Variants in RBFOX2 observed in about 807,000 individuals in gnomAD.
The protein encoded by RBFOX2 is RNA binding protein fox-1 homolog 2.
RBFOX2 carries 10 observed loss-of-function variants against 49.1 expected under a neutral mutation model. That is an observed-to-expected ratio of 0.20 (90% CI 0.13 to 0.35). The LOEUF is 0.35. RBFOX2 is among the 10% of genes least tolerant of loss of function. The pLI is 1.00. For synonymous variants in RBFOX2, 183 were observed against 187.4 expected, an observed-to-expected ratio of 0.98 and a Z score of 0.19; for missense variants, 323 against 486.9, an observed-to-expected ratio of 0.66 and a Z score of 3.17.
intron 1 of RBFOX2, among the ~76,000 whole-genome samples, chr22:35,928,145 G>A (rs966878519): frequency 1.3e-5 from 2 of 152,040 alleles, no homozygotes; most frequent in Non-Finnish European, 2.9e-5. Flanking sequence ...TTGAGGCTCA[G>A]AGAACAAAAA....
At chr22:35,961,987 T>C (rs2056249913), upstream of RBFOX2, among the ~76,000 whole-genome samples, 1 of 152,054 alleles carries the variant, frequency 6.6e-6, no homozygotes. Flanking sequence ...GCCTCACATA[T>C]AAGATTGGCA....
intron 1 of RBFOX2, among the ~76,000 whole-genome samples, chr22:35,905,563 G>A (rs2049034429): frequency 6.6e-6 from 1 of 152,140 alleles, no homozygotes; most frequent in Non-Finnish European, 1.5e-5. Context: ...CTCTCAGCTG[G>A]TTAGGATACT....
chr22:35,775,285 C>T (rs1271463916), intron 4 of RBFOX2, among the ~76,000 whole-genome samples: 1 of 152,228 alleles, frequency 6.6e-6, no homozygotes, highest in East Asian at 1.9e-4. Context: ...AAGAAAGCTT[C>T]AAAGGACAAA....
intron 3 of RBFOX2, among the ~76,000 whole-genome samples, chr22:35,780,182 C>G (rs776545790): frequency 7.9e-5 from 12 of 152,086 alleles, no homozygotes; most frequent in Non-Finnish European, 1.2e-4. Context: ...ATCATTAAAT[C>G]TCAACTCTGG....
intron 1 of RBFOX2, among the ~76,000 whole-genome samples, chr22:35,823,650 T>C (rs1468719688): frequency 6.6e-6 from 1 of 152,192 alleles, no homozygotes; most frequent in Non-Finnish European, 1.5e-5. Context: ...CTGTATATAT[T>C]TGAGAAACGT....
chr22:35,939,149 C>A, upstream of RBFOX2: 1 of 653,952 alleles, frequency 1.5e-6, no homozygotes, highest in Non-Finnish European at 2.8e-6. Flanking sequence ...AATCTGTTTC[C>A]TTTCCAGTAT....
intron 1 of RBFOX2, among the ~76,000 whole-genome samples, chr22:35,826,157 A>G (rs529248113): frequency 5.9e-5 from 9 of 151,822 alleles, no homozygotes; most frequent in Non-Finnish European, 1.2e-4. Flanking sequence ...CCTGACCAAC[A>G]TGGAGAAACC....
intron 1 of RBFOX2, among the ~76,000 whole-genome samples, chr22:36,012,593 T>C (rs28408899): frequency 6.6e-6 from 1 of 151,814 alleles, no homozygotes; most frequent in African/African-American, 2.4e-5. Context: ...AGAATATCTC[T>C]TAAAAATAAT....
At chr22:35,977,745 T>C (rs1404536117) in intron 1 of RBFOX2, among the ~76,000 whole-genome samples, 1 of 139,006 alleles carries the variant, frequency 7.2e-6, no homozygotes, top group Non-Finnish European at 1.5e-5. Context: ...TATATATATA[T>C]ATATATATAT....
rs565835620 is a variant in RBFOX2, at chr22:35,911,962, A to T, written c.-34+26885T>A. Among the ~76,000 whole-genome samples, 3 of 152,208 alleles carry T rather than the reference A, an allele frequency of 2.0e-5. No individual in the cohort carries two copies. The South Asian group carries it at 6.2e-4, about 32-fold the overall frequency. On this transcript the variant is annotated intron_variant, in intron 1 of 13. Transcript: ENST00000359369. Reference sequence around the variant, plus strand: ...GGTTCACTCATTTTTTTTTAATCTTAAATACATACTTCTTTTTTGTTAATT... The same window carrying T: ...GGTTCACTCATTTTTTTTTAATCTTTAATACATACTTCTTTTTTGTTAATT...
chr22:35,968,948 C>T (rs1328210999), intron 1 of RBFOX2, among the ~76,000 whole-genome samples: 1 of 152,226 alleles, frequency 6.6e-6, no homozygotes, highest in African/African-American at 2.4e-5. Context: ...TCTATCCCTA[C>T]ATTCTGAACA....
At chr22:35,910,549 C>T (rs1308219489) in intron 1 of RBFOX2, among the ~76,000 whole-genome samples, 2 of 152,130 alleles carry the variant, frequency 1.3e-5, no homozygotes, top group Non-Finnish European at 2.9e-5. Context: ...TTTTGTTGCC[C>T]AGAAGGAATA....
At chr22:35,829,023 C>T (rs963251026) in intron 1 of RBFOX2, among the ~76,000 whole-genome samples, 5 of 152,166 alleles carry the variant, frequency 3.3e-5, no homozygotes, top group African/African-American at 7.2e-5. Flanking sequence ...TGCACTCCAG[C>T]CTGGGCGACA....
At chr22:35,989,397 G>A (rs190730812) in intron 1 of RBFOX2, among the ~76,000 whole-genome samples, 12 of 152,256 alleles carry the variant, frequency 7.9e-5, no homozygotes, top group Middle Eastern at 3.4e-3. Flanking sequence ...GGGGAAGAGC[G>A]GCATTCCAAG....
chr22:35,745,602 T>C (rs1932286629), intron 11 of RBFOX2, among the ~76,000 whole-genome samples: 1 of 152,198 alleles, frequency 6.6e-6, no homozygotes, highest in South Asian at 2.1e-4. Context: ...AATGAAACTA[T>C]GCCACAGGTA....
At position 35,874,325 on chromosome 22, in the gene RBFOX2, T is replaced by G. The variant is rs2044741972; in HGVS notation, c.-33-64321A>C. On this transcript the variant is annotated intron_variant, in intron 1 of 13. Transcript: ENST00000359369. ...GTTTAATTTAAAGGCTTTCAGTATG[T>G]TGAGCGGAAAAAAAAAATTCCGTCT... Among the ~76,000 whole-genome samples the G allele has an allele frequency of 2.6e-5, 4 of 152,070 alleles. No individual in the cohort carries two copies. The South Asian group carries it at 8.3e-4, about 31-fold the overall frequency.
In RBFOX2 at chr22:35,911,658, G is replaced by T. The variant is rs201399973; in HGVS notation, c.-34+27189C>A. 4.6e-5 allele frequency among the ~76,000 whole-genome samples: 7 copies of T among 152,060 alleles called. No individual in the cohort carries two copies. In the East Asian group the frequency reaches 1.3e-3, roughly 29 times the overall value. The stretch of plus-strand genomic sequence containing the variant: ...GTTGTTTACATTAGCTGCTGGTATC[G>T]TTACACTCCTCACTTAAAATGCTAA... On this transcript the variant is annotated intron_variant, in intron 1 of 13. Transcript: ENST00000359369.
At chr22:36,003,536 G>C (rs1215125892) in intron 1 of RBFOX2, among the ~76,000 whole-genome samples, 1 of 152,218 alleles carries the variant, frequency 6.6e-6, no homozygotes, top group African/African-American at 2.4e-5. Context: ...TCTAGGAAAA[G>C]AACAGATATT....
chr22:35,963,460 C>T (rs75520015), upstream of RBFOX2, among the ~76,000 whole-genome samples: 874 of 152,224 alleles, frequency 5.7e-3, 7 homozygotes, highest in African/African-American at 0.02. Context: ...ATTAAAAGCA[C>T]TAATAATTAT....
Sources: gnomAD v4.1 joint callset for allele counts (sites outside exome capture counted in the v4.1 genomes callset) on GRCh38, gnomAD v4.1.1 for gene constraint, MANE v1.5 for transcripts, NCBI Gene and HGNC (gene_info 2026-07-23, HGNC 2026-07-21) for gene names.